DENND2C: variants seen among roughly 807,000 people sequenced by gnomAD.
The protein encoded by DENND2C is DENN domain-containing protein 2C.
In DENND2C, 72 loss-of-function variants were observed where a neutral mutation model predicts 112.4. That is an observed-to-expected ratio of 0.64 (90% CI 0.53 to 0.78). The LOEUF (loss-of-function observed/expected upper bound fraction) is 0.78. Among genes scored for constraint, DENND2C ranks in the 30% least tolerant of loss-of-function variants. The probability of loss-of-function intolerance (pLI) is 0.00; values close to 1 mark genes in which losing one functional copy is unlikely to be tolerated. For missense variants in DENND2C, 992 were observed against 1,113.8 expected (o/e 0.89, Z 1.56); for synonymous variants, 329 against 381.6 (o/e 0.86, Z 1.61).
In DENND2C at chr1:114,599,372, G is replaced by A. The variant is rs533733411; in HGVS notation, c.2185C>T (p.Pro729Ser). ...TWQHTYIPVL[P>S]ASMIDIVCSP... ...CACACGATGTCAATCATAGATGCTG[G>A]CAGGACTGGGATATAGGTATGCTGC... The change falls in exon 16 of 21, where the codon CCA becomes TCA. Residue 729 changes from proline to serine, a missense_variant. Pro to Ser is a moderately conservative substitution (Grantham distance 74). Transcript: ENST00000393274. 3.7e-6 allele frequency: 6 copies of A among 1,614,086 alleles called. No homozygotes were observed. The South Asian group carries it at 6.6e-5, about 18-fold the overall frequency.
At chr1:114,634,199 A>G (rs754139490) in intron 3 of DENND2C, among the ~76,000 whole-genome samples, 16 of 152,372 alleles carry the variant, frequency 1.1e-4, no homozygotes, top group Non-Finnish European at 5.9e-5. Context: ...TAACTTTTCA[A>G]CAGTAGTTGA....
At chr1:114,661,847 A>T (rs1415450470) in intron 1 of DENND2C, among the ~76,000 whole-genome samples, 1 of 152,202 alleles carries the variant, frequency 6.6e-6, no homozygotes, top group Non-Finnish European at 1.5e-5. Context: ...AATTATCACC[A>T]GACTCTTGAA....
At chr1:114,649,779 A>G (rs1020176286) in intron 2 of DENND2C, among the ~76,000 whole-genome samples, 3 of 152,220 alleles carry the variant, frequency 2.0e-5, no homozygotes, top group African/African-American at 4.8e-5. Context: ...CAAAGGTTGA[A>G]GAAATTTTCC....
rs776634545 is a variant in DENND2C at position 114,625,519 on chromosome 1, G to C, written c.466C>G (p.Leu156Val). The change falls in exon 4 of 21, where the codon CTT becomes GTT. Residue 156 changes from leucine to valine, a missense_variant. Physicochemically the swap from Leu to Val is conservative, Grantham distance 32. Coordinates refer to ENST00000393274, the MANE Select transcript of DENND2C (RefSeq NM_001256404.2). The part of the protein sequence containing the change: ...SQILWKKIEA[L>V]PPDKLLNLAL... The stretch of plus-strand genomic sequence containing the variant: ...AAATTTAAGAGTTTATCTGGGGGAA[G>C]TGCTTCTATTTTCTTCCACAGTATT... The C allele has an allele frequency of 3.1e-6, 5 of 1,614,086 alleles. No individual in the cohort carries two copies. The highest frequency in any genetic ancestry group is 8.5e-7 in the Non-Finnish European group (1 of 1,179,994).
chr1:114,587,799 C>T lies in DENND2C; in HGVS notation c.2585G>A (p.Arg862His). 1.9e-6 allele frequency: 3 copies of T among 1,614,082 alleles called. No individual in the cohort carries two copies. The highest frequency in any genetic ancestry group is 1.1e-5 in the South Asian group (1 of 91,074). Residue 862 changes from arginine to histidine, a missense_variant, in exon 19 of 21, where the codon CGC becomes CAC. By Grantham distance (29) the Arg-to-His change is conservative. Coordinates refer to ENST00000393274, the MANE Select transcript of DENND2C (RefSeq NM_001256404.2). ...TTCCATGAAGAGATCCAGGAAGTGG[C>T]GTACACTTCGGGAGGTGTGGGACTT... ...FRKSHTSRSV[R>H]HFLDLFMETQ...
chr1:114,604,127 A>G, intron 11 of DENND2C, among the ~76,000 whole-genome samples: 1 of 152,180 alleles, frequency 6.6e-6, no homozygotes, highest in East Asian at 1.9e-4. Context: ...GTGATGGCTG[A>G]GAGATGAGAG....
intron 20 of DENND2C, 27 bp from the exon 21 acceptor site, chr1:114,585,658 T>A: frequency 1.2e-6 from 2 of 1,609,282 alleles, no homozygotes; most frequent in East Asian, 4.5e-5. Flanking sequence ...GTACAGTGAA[T>A]GCTCAATTCA....
At chr1:114,604,832 G>T in intron 11 of DENND2C, 90 bp downstream of exon 11, 1 of 899,990 alleles carries the variant, frequency 1.1e-6, no homozygotes, top group Non-Finnish European at 1.8e-6. Context: ...TATTCACATA[G>T]CTTCACTAAT....
chr1:114,636,196 TAC>T (rs1656652176), intron 3 of DENND2C, among the ~76,000 whole-genome samples: 3 of 152,042 alleles, frequency 2.0e-5, no homozygotes, highest in Admixed American at 1.3e-4. Context: ...TGAAAAAATT[TAC>T]ACTTTCAGCA....
rs1654937111 is a variant in DENND2C, at chr1:114,582,875, T to C, written c.*2725A>G. ...TGTGGGGGGTTTATGTATTTATTCA[T>C]TAAAAGATCTGTAAACAACATTTTA... On this transcript the variant is annotated 3_prime_UTR_variant, in exon 21 of 21. Transcript: ENST00000393274. 6.6e-6 allele frequency: 1 copy of C among 152,232 alleles called. No individual in the cohort carries two copies. Among genetic ancestry groups the C allele is most frequent in the Non-Finnish European group, 1.5e-5 (1 of 68,036 alleles). The allele number at this position is 152,232 out of a possible 1,614,324, so 9.4% of individuals were successfully genotyped here. A position where few individuals can be genotyped will look rare whatever the true frequency, so the allele number is the denominator to read the frequency against.
chr1:114,666,769 T>C (rs1243181001), intron 1 of DENND2C, among the ~76,000 whole-genome samples: 2 of 152,214 alleles, frequency 1.3e-5, no homozygotes, highest in African/African-American at 4.8e-5. Context: ...CTTAACTTTT[T>C]ACTTACCTAA....
Position 114,627,168 on chromosome 1 carries a change from C to T in DENND2C, c.-204-980G>A, listed in dbSNP as rs186545934. On this transcript the variant is annotated intron_variant, in intron 3 of 20. Transcript: ENST00000393274. Reference sequence around the variant, plus strand: ...CCCAAATCAATACAAATACTTACAGCCACTGTCACATTCCTTCCTTTCACA... The same window carrying T: ...CCCAAATCAATACAAATACTTACAGTCACTGTCACATTCCTTCCTTTCACA... Among the ~76,000 whole-genome samples, 11 of 152,310 alleles carry T rather than the reference C, an allele frequency of 7.2e-5. No homozygotes were observed. In the East Asian group the frequency reaches 2.1e-3, roughly 29 times the overall value.
intron 1 of DENND2C, among the ~76,000 whole-genome samples, chr1:114,657,562 T>C (rs1202243743): frequency 6.6e-6 from 1 of 152,102 alleles, no homozygotes; most frequent in Non-Finnish European, 1.5e-5. Context: ...TGGTCAACAA[T>C]TGACAGATAC....
intron 3 of DENND2C, among the ~76,000 whole-genome samples, chr1:114,638,772 A>T (rs1656725997): frequency 6.6e-6 from 1 of 151,044 alleles, no homozygotes; most frequent in African/African-American, 2.4e-5. Context: ...CAAAAAAAAA[A>T]AAAAAAAGAG....
rs1655504147 is a variant in DENND2C at position 114,601,519 on chromosome 1, G to A, written c.1804C>T (p.Leu602Phe). Reference sequence around the variant, plus strand: ...CATTCTCCACTCACCTTTGAAAAAAGATTGAAGCAGCCTAGGCGACTAACC... The same window carrying A: ...CATTCTCCACTCACCTTTGAAAAAAAATTGAAGCAGCCTAGGCGACTAACC... ...CMVSRLGCFN[L>F]FSKILDEVEK... Residue 602 changes from leucine (L) to phenylalanine (F), a missense_variant, in exon 13 of 21, where the codon CTT becomes TTT. Physicochemically the swap from Leu to Phe is conservative, Grantham distance 22. Around this residue, in one of 3 missense-constraint regions of DENND2C, gnomAD observed 516 missense variants for 623.6 expected, o/e 0.83. Transcript: ENST00000393274. 6.2e-7 allele frequency: 1 copy of A among 1,611,838 alleles called. No individual in the cohort carries two copies. Among genetic ancestry groups the A allele is most frequent in the Non-Finnish European group, 8.5e-7 (1 of 1,178,762 alleles).
chr1:114,638,762 C>CAAAAAAAAAAAAAAAAA (rs35740017), intron 3 of DENND2C, among the ~76,000 whole-genome samples: 1 of 84,164 alleles, frequency 1.2e-5, no homozygotes, highest in Non-Finnish European at 2.3e-5. Context: ...GACCTTGTCT[C>CAAAAAAAAAAAAAAAAA]AAAAAAAAAA....
intron 17 of DENND2C, 72 bp from the exon 18 acceptor site, chr1:114,594,650 G>T: frequency 7.8e-7 from 1 of 1,286,690 alleles, no homozygotes; most frequent in Non-Finnish European, 1.1e-6. Context: ...ATATGCCCTA[G>T]TTATTTCTCC....
intron 4 of DENND2C, among the ~76,000 whole-genome samples, chr1:114,624,043 G>A (rs1656263541): frequency 6.6e-6 from 1 of 152,086 alleles, no homozygotes; most frequent in African/African-American, 2.4e-5. Context: ...AATTGGTATG[G>A]GAGACAGAAA....
In DENND2C at chr1:114,599,308, G is replaced by C. The variant is rs200297482; in HGVS notation, c.2249C>G (p.Ser750Cys). The C allele has an allele frequency of 7.4e-6, 12 of 1,613,908 alleles. No individual in the cohort carries two copies. The highest frequency in any genetic ancestry group is 1.0e-5 in the Non-Finnish European group (12 of 1,179,886). ...GGGTAGGTCCTGGAGCTGTGGTAAGGAGCAAGACAGGATTCCAATAAGGAA... is the reference window on the plus strand; with the variant it reads ...GGGTAGGTCCTGGAGCTGTGGTAAGCAGCAAGACAGGATTCCAATAAGGAA... ...TPFLIGILSC[S>C]LPQLQDLPIE... Residue 750 changes from serine (S) to cysteine (C), a missense_variant, in exon 16 of 21, where the codon TCC becomes TGC. This residue lies in a region of DENND2C where 516 missense variants were observed against 623.6 expected (regional missense o/e 0.83). Coordinates refer to ENST00000393274, the MANE Select transcript of DENND2C (RefSeq NM_001256404.2).
Sources: allele counts gnomAD v4.1 joint callset (sites outside exome capture counted in the v4.1 genomes callset), GRCh38; gene constraint gnomAD v4.1.1; regional missense constraint gnomAD v4.1.1; transcripts MANE v1.5; gene names NCBI Gene and HGNC (gene_info 2026-07-23, HGNC 2026-07-21).